PILRA: variants seen among roughly 807,000 people sequenced by gnomAD.
PILRA encodes paired immunoglobulin-like type 2 receptor alpha.
In PILRA, 37 loss-of-function variants were observed where a neutral mutation model predicts 33.1. That is an observed-to-expected ratio of 1.12 (90% CI 0.86 to 1.47). The LOEUF is 1.47. Among genes scored for constraint, PILRA ranks in the 40% most tolerant of loss-of-function variants. The pLI is 0.00. For missense variants in PILRA, 312 were observed against 376.2 expected (o/e 0.83, Z 1.41); for synonymous variants, 146 against 149.9 (o/e 0.97, Z 0.19).
chr7:100,377,609 A>C (rs1790985099), intron 2 of PILRA, among the ~76,000 whole-genome samples: 1 of 152,164 alleles, frequency 6.6e-6, no homozygotes. Flanking sequence ...GGCCAGACAC[A>C]GTGGCTCATG....
intron 2 of PILRA, among the ~76,000 whole-genome samples, chr7:100,377,624 C>T (rs1790985355): frequency 6.6e-6 from 1 of 152,106 alleles, no homozygotes; most frequent in African/African-American, 2.4e-5. Context: ...CTCATGCCTG[C>T]AGTCCTGGCT....
Position 100,397,912 on chromosome 7 carries a change from G to C in PILRA, c.707G>C (p.Arg236Thr). The part of the protein sequence containing the change: ...QQRTKATTPA[R>T]EPFQNTEEPY... ...CGGACTAAAGCCACAACCCCAGCCA[G>C]GTGAGTGCTGGGCCTCCCCAGGGTG... Residue 236 changes from arginine to threonine, a missense_variant and splice_region_variant, in exon 4 of 7, where the codon AGG becomes ACG. By Grantham distance (71) the Arg-to-Thr change is moderately conservative. Coordinates refer to ENST00000198536, the MANE Select transcript of PILRA (RefSeq NM_013439.3). The C allele has an allele frequency of 6.2e-7, 1 of 1,613,956 alleles. No individual in the cohort carries two copies. Among genetic ancestry groups the C allele is most frequent in the Non-Finnish European group, 8.5e-7 (1 of 1,179,840 alleles).
At chr7:100,383,450 G>A (rs995300000) in intron 2 of PILRA, among the ~76,000 whole-genome samples, 1 of 152,144 alleles carries the variant, frequency 6.6e-6, no homozygotes, top group Non-Finnish European at 1.5e-5. Flanking sequence ...GGGAGGTTGG[G>A]AGAAGAATGT....
At chr7:100,377,142 A>G (rs535982069) in intron 2 of PILRA, among the ~76,000 whole-genome samples, 2 of 151,826 alleles carry the variant, frequency 1.3e-5, no homozygotes, top group East Asian at 3.9e-4. Flanking sequence ...AGATATAACT[A>G]AGTTTGTTGT....
At chr7:100,399,469 GTGACCC>G in intron 5 of PILRA, 106 bp from the exon 6 acceptor site, 1 of 1,425,340 alleles carries the variant, frequency 7.0e-7, no homozygotes, top group Non-Finnish European at 9.9e-7. Context: ...TTGCCCTCAC[GTGACCC>G]TGGCCCTGAC....
At chr7:100,390,940 G>A (rs1417098333) in intron 3 of PILRA, among the ~76,000 whole-genome samples, 1 of 151,976 alleles carries the variant, frequency 6.6e-6, no homozygotes, top group Non-Finnish European at 1.5e-5. Flanking sequence ...GCCAGAGGTG[G>A]GCCAGGCTGG....
In PILRA at chr7:100,399,884, C is replaced by G. The variant is rs766432336; in HGVS notation, c.889C>G (p.Leu297Val). Residue 297 changes from leucine to valine, a missense_variant, in exon 7 of 7, where the codon CTG (leucine) becomes GTG (valine). Coordinates refer to ENST00000198536, the MANE Select transcript of PILRA (RefSeq NM_013439.3). ...RPLKSPQNET[L>V]YSVLKA The stretch of plus-strand genomic sequence containing the variant: ...CCTCAAGAGCCCCCAGAACGAGACC[C>G]TGTACTCTGTCTTAAAGGCCTAACC... 5.6e-6 allele frequency: 9 copies of G among 1,611,884 alleles called. No individual in the cohort carries two copies. The highest frequency in any genetic ancestry group is 7.6e-6 in the Non-Finnish European group (9 of 1,179,074).
intron 4 of PILRA, among the ~76,000 whole-genome samples, chr7:100,398,149 T>C (rs1336958391): frequency 6.6e-6 from 1 of 152,162 alleles, no homozygotes; most frequent in African/African-American, 2.4e-5. Flanking sequence ...AGCACAAACA[T>C]TCAAGAATCT....
intron 3 of PILRA, among the ~76,000 whole-genome samples, chr7:100,396,245 T>C (rs1791491020): frequency 1.3e-5 from 2 of 152,230 alleles, no homozygotes; most frequent in Non-Finnish European, 1.5e-5. Flanking sequence ...CCCATGTTGA[T>C]AGCAACACTA....
intron 3 of PILRA, among the ~76,000 whole-genome samples, chr7:100,394,019 C>G (rs1227319010): frequency 6.6e-6 from 1 of 152,158 alleles, no homozygotes; most frequent in Non-Finnish European, 1.5e-5. Context: ...AACCCTCCCA[C>G]TCCAAATACA....
intron 2 of PILRA, among the ~76,000 whole-genome samples, chr7:100,377,063 A>G (rs183745651): frequency 1.6e-3 from 237 of 151,612 alleles, no homozygotes; most frequent in African/African-American, 5.4e-3. Flanking sequence ...GTGTCTGGCA[A>G]AAAAATTTTT....
At chr7:100,399,223 C>A in intron 4 of PILRA, 68 bp from the exon 5 acceptor site, 1 of 1,146,766 alleles carries the variant, frequency 8.7e-7, no homozygotes, top group Non-Finnish European at 1.3e-6. Flanking sequence ...TTACAGGTGC[C>A]ACCACCCAGC....
At chr7:100,387,888 A>C (rs917670046) in intron 2 of PILRA, among the ~76,000 whole-genome samples, 1 of 151,978 alleles carries the variant, frequency 6.6e-6, no homozygotes, top group African/African-American at 2.4e-5. Context: ...TCTGTTCCCT[A>C]ATTTATTCCT....
At position 100,399,891 on chromosome 7, in the gene PILRA, C is replaced by CT; in HGVS notation, c.897dup (p.Val300CysfsTer14). The CT allele has an allele frequency of 6.2e-7, 1 of 1,611,140 alleles. No homozygotes were observed. Among genetic ancestry groups the CT allele is most frequent in the Non-Finnish European group, 8.5e-7 (1 of 1,178,560 alleles). On this transcript the variant is annotated frameshift_variant, in exon 7 of 7. Coordinates refer to ENST00000198536, the MANE Select transcript of PILRA (RefSeq NM_013439.3). LOFTEE classifies it high-confidence loss of function. ...AGCCCCCAGAACGAGACCCTGTACT[C>CT]TGTCTTAAAGGCCTAACCAATGGAC...
rs138688878 is a variant in PILRA, at chr7:100,393,957, A to G, written c.673+3851A>G. Among the ~76,000 whole-genome samples the G allele has an allele frequency of 6.5e-3, 983 of 152,232 alleles. 16 individuals carry two copies. The highest frequency in any genetic ancestry group is 0.022 in the African/African-American group (932 of 41,538). Reference sequence around the variant, plus strand: ...GATCCCCGCCCCTCCGACCCAGTTTATATCTTATTGGCTAGAATTTGGTCA... The same window carrying G: ...GATCCCCGCCCCTCCGACCCAGTTTGTATCTTATTGGCTAGAATTTGGTCA... On this transcript the variant is annotated intron_variant, in intron 3 of 6. Transcript: ENST00000198536.
chr7:100,397,767 T>C, intron 3 of PILRA, 112 bp from the exon 4 acceptor site: 8 of 1,127,242 alleles, frequency 7.1e-6, no homozygotes, highest in Non-Finnish European at 1.1e-5. Context: ...GGAGCAGCTC[T>C]GCTGCTCCGG....
At chr7:100,387,904 A>G (rs780961119) in intron 2 of PILRA, among the ~76,000 whole-genome samples, 1 of 151,974 alleles carries the variant, frequency 6.6e-6, no homozygotes, top group Non-Finnish European at 1.5e-5. Flanking sequence ...TTCCTACGTA[A>G]CTTTTCATTA....
Position 100,374,169 on chromosome 7 carries a change from G to C in PILRA, c.190G>C (p.Ala64Pro), listed in dbSNP as rs372342137. The C allele has an allele frequency of 1.9e-6, 3 of 1,614,116 alleles. No individual in the cohort carries two copies. In the Admixed American group the frequency reaches 5.0e-5, roughly 27 times the overall value. Residue 64 changes from alanine (A) to proline (P), a missense_variant, in exon 2 of 7, where the codon GCT (alanine) becomes CCT (proline). Ala to Pro is a conservative substitution (Grantham distance 27). Transcript: ENST00000198536. ...SFYYPWELAT[A>P]PDVRISWRRG... ...CTATTACCCCTGGGAGTTAGCCACA[G>C]CTCCCGACGTGAGAATATCCTGGAG...
chr7:100,395,284 T>C (rs1791471837), intron 3 of PILRA, among the ~76,000 whole-genome samples: 1 of 152,170 alleles, frequency 6.6e-6, no homozygotes, highest in South Asian at 2.1e-4. Context: ...GCTTAGGTCA[T>C]GACGGCTCTG....
Sources: allele counts gnomAD v4.1 joint callset (sites outside exome capture counted in the v4.1 genomes callset), GRCh38; gene constraint gnomAD v4.1.1; transcripts MANE v1.5; gene names NCBI Gene and HGNC (gene_info 2026-07-23, HGNC 2026-07-21).